The following SCARF2 variants were observed in gnomAD, a reference collection of about 807,000 sequenced individuals.
SCARF2 encodes the protein scavenger receptor class F member 2.
SCARF2 carries 39 observed loss-of-function variants against 73.4 expected under a neutral mutation model. The observed-to-expected ratio is 0.53, with a 90% confidence interval of 0.41 to 0.69. The LOEUF (loss-of-function observed/expected upper bound fraction) is 0.69. SCARF2 is among the 30% of genes least tolerant of loss of function. The pLI is 0.00. For synonymous variants in SCARF2, 605 were observed against 590.0 expected, an observed-to-expected ratio of 1.03 and a Z score of -0.37; for missense variants, 1,148 against 1,303.5, an observed-to-expected ratio of 0.88 and a Z score of 1.84.
At chr22:20,431,883 A>AGGGGGG in intron 2 of SCARF2, 37 bp from the exon 3 acceptor site, 1 of 1,530,534 alleles carries the variant, frequency 6.5e-7, no homozygotes, top group Non-Finnish European at 9.0e-7. Flanking sequence ...TGCGCGTCCT[A>AGGGGGG]GCCCCGCCCC....
In SCARF2 at chr22:20,437,755, GAGGCGCGGGGC is replaced by G. The variant is rs1428622643; in HGVS notation, c.-12_-2del. 14 of 1,057,860 alleles carry G rather than the reference GAGGCGCGGGGC, an allele frequency of 1.3e-5. No individual in the cohort carries two copies. The highest frequency in any genetic ancestry group is 5.6e-5 in the Admixed American group (1 of 17,774). The allele number at this position is 1,057,860 out of a possible 1,614,324, so 65.5% of individuals were successfully genotyped here. A position where few individuals can be genotyped will look rare whatever the true frequency, so the allele number is the denominator to read the frequency against. On this transcript the variant is annotated 5_prime_UTR_variant, in exon 1 of 11. Coordinates refer to ENST00000622235, the MANE Select transcript of SCARF2 (RefSeq NM_182895.5). ...CCCCCCGGGGCCCTGCGCCCTCCAT[GAGGCGCGGGGC>G]AGGCGCGGGGCGGGCACGGGCGCGG...
Position 20,426,143 on chromosome 22 carries a change from C to T in SCARF2, c.1833G>A (p.Ser611=), listed in dbSNP as rs1487263146. 3.4e-6 allele frequency: 5 copies of T among 1,468,360 alleles called. No homozygotes were observed. In the Admixed American group the frequency reaches 9.8e-5, roughly 29 times the overall value. The allele number at this position is 1,468,360 out of a possible 1,614,324, so 91.0% of individuals were successfully genotyped here. A position where few individuals can be genotyped will look rare whatever the true frequency, so the allele number is the denominator to read the frequency against. Residue 611 remains serine, a synonymous_variant, in exon 11 of 11, where the codon TCG becomes TCA. Coordinates refer to ENST00000622235, the MANE Select transcript of SCARF2 (RefSeq NM_182895.5). ...CTCCGGGCCCCTCCACGCTGGACGCCGACCGCTCGCTGTCGGAGGACGCGG... is the reference window on the plus strand; with the variant it reads ...CTCCGGGCCCCTCCACGCTGGACGCTGACCGCTCGCTGTCGGAGGACGCGG... ...PLPASSDSER[S]ASSVEGPGGA...
rs2052681224 is a variant in SCARF2 at position 20,434,724 on chromosome 22, A to ACATGC, written c.174-2741_174-2737dup. Among the ~76,000 whole-genome samples, 3 of 152,332 alleles carry ACATGC rather than the reference A, an allele frequency of 2.0e-5. No individual in the cohort carries two copies. In the South Asian group the frequency reaches 6.2e-4, roughly 32 times the overall value. On this transcript the variant is annotated intron_variant, in intron 1 of 10. Coordinates refer to ENST00000622235, the MANE Select transcript of SCARF2 (RefSeq NM_182895.5). ...GGGCCCAGGCCCCTCAGCAAGCAAG[A>ACATGC]CATGCCGTAGGCTTCTCCCTCGTAG...
rs2052649032 is a variant in SCARF2 at position 20,431,619 on chromosome 22, G to A, written c.335-82C>T. The A allele has an allele frequency of 2.6e-6, 4 of 1,541,448 alleles. No individual in the cohort carries two copies. The Admixed American group carries it at 7.9e-5, about 30-fold the overall frequency. On this transcript the variant is annotated intron_variant, in intron 3 of 10. Coordinates refer to ENST00000622235, the MANE Select transcript of SCARF2 (RefSeq NM_182895.5). Reference sequence around the variant, plus strand: ...GCCAGCCGGAACCTGCCCGCGTCCCGCACTCCAGCCGCCACCTCTGGGGAC... The same window carrying A: ...GCCAGCCGGAACCTGCCCGCGTCCCACACTCCAGCCGCCACCTCTGGGGAC...
intron 9 of SCARF2, 68 bp from the exon 10 acceptor site, chr22:20,427,618 G>T (rs914625498): frequency 3.8e-6 from 6 of 1,580,570 alleles, no homozygotes; most frequent in Non-Finnish European, 5.2e-6. Context: ...ATTAGCCCCT[G>T]CTGTGACAAA....
Position 20,429,369 on chromosome 22 carries a change from C to A in SCARF2, c.1425-29G>T. ...CGGGGGCGGGGTCTGAGCGGAGGGG[C>A]GGGGCCGGGGCGGGGCCCAGGGGCG... On this transcript the variant is annotated intron_variant, in intron 8 of 10. Transcript: ENST00000622235. The surrounding 1 kb of genome is among the most constrained non-coding windows in gnomAD (Gnocchi z 5.2). 5.7e-6 allele frequency: 2 copies of A among 350,422 alleles called. No homozygotes were observed. Among genetic ancestry groups the A allele is most frequent in the African/African-American group, 3.1e-5 (1 of 31,982 alleles). The allele number at this position is 350,422 out of a possible 1,614,324, so 21.7% of individuals were successfully genotyped here. A position where few individuals can be genotyped will look rare whatever the true frequency, so the allele number is the denominator to read the frequency against.
intron 1 of SCARF2, among the ~76,000 whole-genome samples, chr22:20,434,806 A>T (rs1292297133): frequency 6.6e-6 from 1 of 152,170 alleles, no homozygotes; most frequent in South Asian, 2.1e-4. Context: ...AAGTTGGCTC[A>T]TGGGGTCCAT....
In SCARF2 at chr22:20,425,313, G is replaced by T. The variant is rs1299215709; in HGVS notation, c.*62C>A. ...CCGCCCGTGCCCGGTAGCGTGGGAG[G>T]TGTGGGGTGGCGGGCGGCGCTGCGA... is the stretch of plus-strand genomic sequence containing the variant. On this transcript the variant is annotated 3_prime_UTR_variant, in exon 11 of 11. Coordinates refer to ENST00000622235, the MANE Select transcript of SCARF2 (RefSeq NM_182895.5). This position sits in a 1 kb window ranked among gnomAD's most constrained non-coding sequence, Gnocchi z 4.6. 8 of 1,282,952 alleles carry T rather than the reference G, an allele frequency of 6.2e-6. No homozygotes were observed. Among genetic ancestry groups the T allele is most frequent in the Non-Finnish European group, 8.0e-6 (8 of 998,106 alleles). The allele number at this position is 1,282,952 out of a possible 1,614,324, so 79.5% of individuals were successfully genotyped here.
chr22:20,425,690 G>T lies in SCARF2; in HGVS notation c.2286C>A (p.Ser762Arg). The T allele has an allele frequency of 2.4e-6, 3 of 1,234,544 alleles. No individual in the cohort carries two copies. Among genetic ancestry groups the T allele is most frequent in the Non-Finnish European group, 3.0e-6 (3 of 990,996 alleles). The allele number at this position is 1,234,544 out of a possible 1,614,324, so 76.5% of individuals were successfully genotyped here. A position where few individuals can be genotyped will look rare whatever the true frequency, so the allele number is the denominator to read the frequency against. ...EPTDAGGPPRSAPEAASMLAA... is the reference protein window; with the variant it reads ...EPTDAGGPPRRAPEAASMLAA... ...CCAACATGGAGGCAGCCTCGGGCGC[G>T]CTTCGCGGGGGACCGCCGGCGTCCG... Residue 762 changes from serine to arginine, a missense_variant, in exon 11 of 11, where the codon AGC (serine) becomes AGA (arginine). By Grantham distance (110) the Ser-to-Arg change is moderately radical (BLOSUM62 -1). This residue lies in a region of SCARF2 where 46 missense variants were observed against 80.6 expected (regional missense o/e 0.57). Coordinates refer to ENST00000622235, the MANE Select transcript of SCARF2 (RefSeq NM_182895.5). This position sits in a 1 kb window ranked among gnomAD's most constrained non-coding sequence, Gnocchi z 4.6.
Position 20,426,043 on chromosome 22 carries a change from GC to G in SCARF2, c.1932del (p.Leu645CysfsTer294). On this transcript the variant is annotated frameshift_variant, in exon 11 of 11. Transcript: ENST00000622235. LOFTEE classifies it low-confidence loss of function (END_TRUNC). ...ARARGEIGGL[S>X]LSPSPERRKP... ...TTCCTGCGCTCGGGCGATGGCGACA[GC>G]GACAGGCCCCCAATCTCGCCCCGGG... is the stretch of plus-strand genomic sequence containing the variant. 6.3e-7 allele frequency: 1 copy of G among 1,576,190 alleles called. No homozygotes were observed. Among genetic ancestry groups the G allele is most frequent in the Non-Finnish European group, 8.5e-7 (1 of 1,169,768 alleles).
At position 20,425,467 on chromosome 22, in the gene SCARF2, G is replaced by C; in HGVS notation, c.2509C>G (p.Pro837Ala). 1 of 1,405,176 alleles carries C rather than the reference G, an allele frequency of 7.1e-7. No individual in the cohort carries two copies. The highest frequency in any genetic ancestry group is 1.6e-5 in the South Asian group (1 of 64,508). 87.0% of individuals were successfully genotyped at this position (1,405,176 alleles called of 1,614,324 possible). The change falls in exon 11 of 11, where the codon CCC (proline) becomes GCC (alanine). Residue 837 changes from proline to alanine, a missense_variant. Around this residue, in one of 5 missense-constraint regions of SCARF2, gnomAD observed 169 missense variants for 136.9 expected, o/e 1.23. Transcript: ENST00000622235. The surrounding 1 kb of genome is among the most constrained non-coding windows in gnomAD (Gnocchi z 4.6). ...AATDLPAPET[P>A]RKKTPIQKPP... The stretch of plus-strand genomic sequence containing the variant: ...TTCTGGATGGGGGTCTTCTTCCGGG[G>C]GGTCTCAGGCGCGGGCAAGTCGGTC...
At position 20,429,205 on chromosome 22, in the gene SCARF2, C is replaced by A; in HGVS notation, c.1540+20G>T. On this transcript the variant is annotated intron_variant, in intron 9 of 10. Transcript: ENST00000622235. The surrounding 1 kb of genome is among the most constrained non-coding windows in gnomAD (Gnocchi z 5.2). The stretch of plus-strand genomic sequence containing the variant: ...CGTCGAGAGGTGTTTCTCCCAGATA[C>A]CCCGCGCTGTCATCCTTACCTACGA... 6.2e-7 allele frequency: 1 copy of A among 1,613,978 alleles called. No homozygotes were observed. The highest frequency in any genetic ancestry group is 2.2e-5 in the East Asian group (1 of 44,890).
intron 1 of SCARF2, among the ~76,000 whole-genome samples, chr22:20,436,401 CG>C (rs2052699202): frequency 6.6e-6 from 1 of 152,122 alleles, no homozygotes; most frequent in African/African-American, 2.4e-5. Context: ...CCGCCGCCGC[CG>C]CTGCATTCCT....
In SCARF2 at chr22:20,429,953, T is replaced by C; in HGVS notation, c.1203-120A>G. On this transcript the variant is annotated intron_variant, in intron 6 of 10. Transcript: ENST00000622235. This position sits in a 1 kb window ranked among gnomAD's most constrained non-coding sequence, Gnocchi z 5.2. ...GTCCCAGAACCGGGCTCTCTCTCGC[T>C]GCATTCGTCGTCTAGGGATTGAAGC... is the stretch of plus-strand genomic sequence containing the variant. 1 of 965,500 alleles carries C rather than the reference T, an allele frequency of 1.0e-6. No homozygotes were observed. Among genetic ancestry groups the C allele is most frequent in the Non-Finnish European group, 1.6e-6 (1 of 643,308 alleles). The allele number at this position is 965,500 out of a possible 1,614,324, so 59.8% of individuals were successfully genotyped here. A position where few individuals can be genotyped will look rare whatever the true frequency, so the allele number is the denominator to read the frequency against.
At chr22:20,437,524 C>G in intron 1 of SCARF2, 58 bp downstream of exon 1, 2 of 1,517,530 alleles carry the variant, frequency 1.3e-6, no homozygotes, top group South Asian at 2.4e-5. Context: ...CCCGGCGCCG[C>G]CACACCACTG....
At chr22:20,432,111 G>T (rs555179950) in intron 1 of SCARF2, 123 bp from the exon 2 acceptor site, 6 of 1,016,252 alleles carry the variant, frequency 5.9e-6, no homozygotes, top group Admixed American at 4.0e-5. Flanking sequence ...TCCTAGGGGG[G>T]TGGTTAATGA....
At chr22:20,437,390 G>A (rs574341828) in intron 1 of SCARF2, among the ~76,000 whole-genome samples, 192 bp downstream of exon 1, 1 of 152,318 alleles carries the variant, frequency 6.6e-6, no homozygotes, top group African/African-American at 2.4e-5. Flanking sequence ...TCTCGTCCAG[G>A]GTTCCCTGGG....
Position 20,425,329 on chromosome 22 carries a change from G to A in SCARF2, c.*46C>T, listed in dbSNP as rs373456248. ...GCGTGGGAGGTGTGGGGTGGCGGGC[G>A]GCGCTGCGAAGCTGAGGGAGCTGCG... is the stretch of plus-strand genomic sequence containing the variant. On this transcript the variant is annotated 3_prime_UTR_variant, in exon 11 of 11. Transcript: ENST00000622235. This position sits in a 1 kb window ranked among gnomAD's most constrained non-coding sequence, Gnocchi z 4.6. 393 of 1,323,898 alleles carry A rather than the reference G, an allele frequency of 3.0e-4. 3 individuals are homozygous for A. In the East Asian group the frequency reaches 8.1e-3, roughly 27 times the overall value. 82.0% of individuals were successfully genotyped at this position (1,323,898 alleles called of 1,614,324 possible). A position where few individuals can be genotyped will look rare whatever the true frequency, so the allele number is the denominator to read the frequency against.
At position 20,430,045 on chromosome 22, in the gene SCARF2, G is replaced by A. The variant is rs551888869; in HGVS notation, c.1203-212C>T. 27 of 623,564 alleles carry A rather than the reference G, an allele frequency of 4.3e-5. No homozygotes were observed. In the South Asian group the frequency reaches 5.1e-4, roughly 12 times the overall value. 38.6% of individuals were successfully genotyped at this position (623,564 alleles called of 1,614,324 possible). ...GAAACGAATGTTGCACAACACTAGT[G>A]GGGGGGCCTGGGGGATAGGACCCGT... is the stretch of plus-strand genomic sequence containing the variant. On this transcript the variant is annotated intron_variant, in intron 6 of 10. Coordinates refer to ENST00000622235, the MANE Select transcript of SCARF2 (RefSeq NM_182895.5).
Sources: gnomAD v4.1 joint callset for allele counts (sites outside exome capture counted in the v4.1 genomes callset) on GRCh38, gnomAD v4.1.1 for gene constraint, gnomAD v4.1.1 regional missense constraint, Gnocchi (gnomAD v3.1) non-coding constraint, MANE v1.5 for transcripts, NCBI Gene and HGNC (gene_info 2026-07-23, HGNC 2026-07-21) for gene names.